REV3L: variants seen among roughly 807,000 people sequenced by gnomAD.
REV3L encodes DNA polymerase zeta catalytic subunit.
A neutral mutation model predicts 299.4 loss-of-function variants in REV3L; 69 were observed. The ratio of observed to expected loss-of-function variants is 0.23; its 90% CI spans 0.19 to 0.28. REV3L has a LOEUF of 0.28. Among genes scored for constraint, REV3L ranks in the 10% least tolerant of loss-of-function variants. The pLI is 1.00. For missense variants in REV3L, 3,128 were observed against 3,693.8 expected, an observed-to-expected ratio of 0.85 and a Z score of 3.97; for synonymous variants, 1,238 against 1,271.4, an observed-to-expected ratio of 0.97 and a Z score of 0.56.
chr6:111,392,975 A>G lies in REV3L; in HGVS notation c.566-3T>C, dbSNP rs554022440. Reference sequence around the variant, plus strand: ...TCCAGTTGCATGCAATGTATTACCTAGGAATAGAAAGGTAAAAGGAATAAA... The same window carrying G: ...TCCAGTTGCATGCAATGTATTACCTGGGAATAGAAAGGTAAAAGGAATAAA... On this transcript the variant is annotated splice_polypyrimidine_tract_variant and splice_region_variant and intron_variant, in intron 4 of 31. Transcript: ENST00000368802. The G allele has an allele frequency of 1.3e-4, 198 of 1,548,342 alleles. 5 individuals are homozygous for G. In the South Asian group the frequency reaches 2.1e-3, roughly 17 times the overall value.
At position 111,375,272 on chromosome 6, in the gene REV3L, G is replaced by C; in HGVS notation, c.3083C>G (p.Pro1028Arg). 3 of 1,607,434 alleles carry C rather than the reference G, an allele frequency of 1.9e-6. No homozygotes were observed. Among genetic ancestry groups the C allele is most frequent in the Non-Finnish European group, 2.5e-6 (3 of 1,178,678 alleles). Residue 1028 changes from proline (P) to arginine (R), a missense_variant, in exon 13 of 32, where the codon CCC (proline) becomes CGC (arginine). Pro to Arg is a moderately radical substitution (Grantham distance 103). Transcript: ENST00000368802. ...APLKDFWPKV[P>R]DSPATKYPIY... Reference sequence around the variant, plus strand: ...GGGATATTTGGTTGCAGGGGAGTCGGGAACTTTTGGCCAAAAGTCCTTCAA... The same window carrying C: ...GGGATATTTGGTTGCAGGGGAGTCGCGAACTTTTGGCCAAAAGTCCTTCAA...
intron 26 of REV3L, among the ~76,000 whole-genome samples, chr6:111,318,731 C>A (rs138690116): frequency 6.6e-6 from 1 of 151,798 alleles, no homozygotes; most frequent in Admixed American, 6.6e-5. Context: ...CGACCACGCC[C>A]GGCTAATTTT....
At chr6:111,479,144 T>C (rs1380074854) in intron 1 of REV3L, among the ~76,000 whole-genome samples, 1 of 152,232 alleles carries the variant, frequency 6.6e-6, no homozygotes, top group Non-Finnish European at 1.5e-5. Flanking sequence ...GATGATTTCA[T>C]TTGTAGTGAA....
chr6:111,336,274 T>C (rs1775888563), intron 21 of REV3L, among the ~76,000 whole-genome samples: 1 of 152,022 alleles, frequency 6.6e-6, no homozygotes, highest in African/African-American at 2.4e-5. Flanking sequence ...AAAAGAATTT[T>C]AATATTATAA....
At chr6:111,432,626 C>T (rs935418719) in intron 1 of REV3L, among the ~76,000 whole-genome samples, 3 of 152,194 alleles carry the variant, frequency 2.0e-5, no homozygotes, top group African/African-American at 7.2e-5. Flanking sequence ...ACCCCATTTT[C>T]AGTAATGGAC....
intron 1 of REV3L, among the ~76,000 whole-genome samples, chr6:111,449,368 T>C (rs1789236516): frequency 6.6e-6 from 1 of 150,550 alleles, no homozygotes; most frequent in South Asian, 2.1e-4. Context: ...CTTGTTAGAA[T>C]TTGCCTAGTA....
In REV3L at chr6:111,311,249, C is replaced by T. The variant is rs374701728; in HGVS notation, c.8615G>A (p.Arg2872His). 1.4e-5 allele frequency: 22 copies of T among 1,601,882 alleles called. 1 individual carries two copies. The highest frequency in any genetic ancestry group is 6.9e-5 in the Admixed American group (4 of 58,294). The stretch of plus-strand genomic sequence containing the variant: ...CGTTTCAAATAGCAGCTTTAGAGAA[C>T]GCTCAAGTATCTTAAAACAAAAAAG... The part of the protein sequence containing the change: ...SCPAVSKILE[R>H]SLKLLFETRD... The change falls in exon 29 of 32, where the codon CGT (arginine) becomes CAT (histidine). Residue 2872 changes from arginine (R) to histidine (H), a missense_variant. Around this residue, in one of 9 missense-constraint regions of REV3L, gnomAD observed 294 missense variants for 377.0 expected, o/e 0.78. Transcript: ENST00000368802.
intron 30 of REV3L, 195 bp from the exon 31 acceptor site, chr6:111,307,765 A>G (rs182139754): frequency 1.7e-6 from 1 of 575,682 alleles, no homozygotes; most frequent in Non-Finnish European, 3.1e-6. Flanking sequence ...CCTTGCCTTC[A>G]TGGAACTTAC....
chr6:111,375,958 A>T lies in REV3L; in HGVS notation c.2397T>A (p.Phe799Leu). The part of the protein sequence containing the change: ...LSQQAAHYMF[F>L]PSVVLSNCLT... ...GACAGTTAGAAAGAACAACACTGGG[A>T]AAAAACATATAGTGTGCTGCTTGCT... Residue 799 changes from phenylalanine to leucine, a missense_variant, in exon 13 of 32, where the codon TTT becomes TTA. Transcript: ENST00000368802. 6.2e-7 allele frequency: 1 copy of T among 1,613,934 alleles called. No individual in the cohort carries two copies. Among genetic ancestry groups the T allele is most frequent in the Non-Finnish European group, 8.5e-7 (1 of 1,179,898 alleles).
intron 16 of REV3L, among the ~76,000 whole-genome samples, chr6:111,362,655 A>G (rs1296309240): frequency 6.6e-6 from 1 of 152,180 alleles, no homozygotes; most frequent in African/African-American, 2.4e-5. Flanking sequence ...TACTAACAAA[A>G]TATTTTAAAT....
At chr6:111,448,342 TTTTC>T (rs1789103628) in intron 1 of REV3L, among the ~76,000 whole-genome samples, 5 of 150,084 alleles carry the variant, frequency 3.3e-5, no homozygotes, top group Non-Finnish European at 7.5e-5. Flanking sequence ...CTTTTTTTTC[TTTTC>T]TTTTTTTTTT....
chr6:111,380,259 C>CT (rs36039889), intron 10 of REV3L, 40 bp from the exon 11 acceptor site: 84,877 of 1,052,120 alleles, frequency 0.081, 1 homozygote, highest in East Asian at 0.097. Flanking sequence ...AATAAGTTTT[C>CT]TTTTTTTTTT....
intron 29 of REV3L, 56 bp downstream of exon 29, chr6:111,311,013 C>G: frequency 7.0e-7 from 1 of 1,435,368 alleles, no homozygotes; most frequent in South Asian, 1.5e-5. Flanking sequence ...TTTGGGTCTT[C>G]TAGACCTGTG....
intron 1 of REV3L, among the ~76,000 whole-genome samples, chr6:111,446,675 T>A (rs1194404815): frequency 6.6e-6 from 1 of 151,548 alleles, no homozygotes; most frequent in African/African-American, 2.4e-5. Context: ...CACTCCAGCA[T>A]GAGCGACGGA....
chr6:111,317,454 G>A (rs1467140776), intron 26 of REV3L, among the ~76,000 whole-genome samples: 7 of 151,932 alleles, frequency 4.6e-5, no homozygotes, highest in Non-Finnish European at 1.0e-4. Flanking sequence ...TTTCTTTATA[G>A]GCCATCTGAT....
intron 1 of REV3L, among the ~76,000 whole-genome samples, chr6:111,459,732 A>C: frequency 6.6e-6 from 1 of 152,142 alleles, no homozygotes; most frequent in East Asian, 1.9e-4. Context: ...ATCTCATACC[A>C]GTCAGAATAG....
intron 7 of REV3L, among the ~76,000 whole-genome samples, chr6:111,388,518 T>C (rs1353859774): frequency 6.6e-6 from 1 of 152,210 alleles, no homozygotes; most frequent in Non-Finnish European, 1.5e-5. Flanking sequence ...AAATAATATA[T>C]CTGCCTTTTG....
intron 21 of REV3L, among the ~76,000 whole-genome samples, chr6:111,343,305 T>C (rs943699900): frequency 2.0e-5 from 3 of 152,192 alleles, no homozygotes; most frequent in African/African-American, 7.2e-5. Flanking sequence ...AAAGCCAAGA[T>C]AGATTATGAA....
intron 1 of REV3L, among the ~76,000 whole-genome samples, chr6:111,444,724 C>A (rs1055667932): frequency 6.6e-6 from 1 of 152,148 alleles, no homozygotes; most frequent in Non-Finnish European, 1.5e-5. Flanking sequence ...AAATGCCTAA[C>A]GGGTTAGTTG....
Sources: gnomAD v4.1 joint callset for allele counts (sites outside exome capture counted in the v4.1 genomes callset) on GRCh38, gnomAD v4.1.1 for gene constraint, gnomAD v4.1.1 regional missense constraint, MANE v1.5 for transcripts, NCBI Gene and HGNC (gene_info 2026-07-23, HGNC 2026-07-21) for gene names.